The following ITPK1 variants were observed in gnomAD, a reference collection of about 807,000 sequenced individuals.
ITPK1 encodes inositol-tetrakisphosphate 1-kinase, also known as inositol 1,3,4-trisphosphate 5/6-kinase.
A neutral mutation model predicts 45.3 loss-of-function variants in ITPK1; 21 were observed. The ratio of observed to expected loss-of-function variants is 0.46; its 90% confidence interval spans 0.33 to 0.67. The LOEUF is 0.67. Among genes scored for constraint, ITPK1 ranks in the 30% least tolerant of loss-of-function variants. The pLI, the probability that ITPK1 is intolerant of heterozygous loss-of-function variation, is 0.02. For missense variants in ITPK1, 474 were observed against 573.5 expected (o/e 0.83, Z 1.77); for synonymous variants, 258 against 253.6 (o/e 1.02, Z -0.16).
chr14:92,949,421 T>A (rs1355260933), intron 9 of ITPK1, among the ~76,000 whole-genome samples: 1 of 152,236 alleles, frequency 6.6e-6, no homozygotes. Context: ...CTGAGCCTCC[T>A]GGGTCACTCT....
intron 10 of ITPK1, among the ~76,000 whole-genome samples, chr14:92,944,933 C>T (rs1391671299): frequency 6.6e-6 from 1 of 152,210 alleles, no homozygotes; most frequent in Non-Finnish European, 1.5e-5. Context: ...AGAGCTCCAA[C>T]GTCCTCAGTT....
intron 5 of ITPK1, among the ~76,000 whole-genome samples, chr14:92,976,446 G>A (rs1402566207): frequency 2.0e-5 from 3 of 152,200 alleles, no homozygotes; most frequent in African/African-American, 7.2e-5. Context: ...ATGCTAAACT[G>A]CCATGCAAGA....
intron 5 of ITPK1, among the ~76,000 whole-genome samples, chr14:92,969,523 C>A (rs1019461973): frequency 2.0e-5 from 3 of 152,222 alleles, no homozygotes; most frequent in African/African-American, 7.2e-5. Context: ...GAACCAGGCC[C>A]AGCTGTCTTC....
chr14:93,031,150 G>C (rs1889031396), intron 3 of ITPK1, among the ~76,000 whole-genome samples: 1 of 152,110 alleles, frequency 6.6e-6, no homozygotes, highest in Non-Finnish European at 1.5e-5. Context: ...TGAATCCAAG[G>C]CCTCTCTAAG....
intron 5 of ITPK1, among the ~76,000 whole-genome samples, chr14:92,979,319 T>C (rs1297677970): frequency 6.6e-6 from 1 of 152,228 alleles, no homozygotes; most frequent in Non-Finnish European, 1.5e-5. Context: ...AGAAGGGACT[T>C]GCCTTGTCTC....
At chr14:93,098,752 G>C (rs1170603176) in intron 2 of ITPK1, among the ~76,000 whole-genome samples, 1 of 152,198 alleles carries the variant, frequency 6.6e-6, no homozygotes, top group African/African-American at 2.4e-5. Flanking sequence ...AGCTACTTCA[G>C]GGCTGTCCAC....
chr14:92,976,997 G>A (rs922466123), intron 5 of ITPK1, among the ~76,000 whole-genome samples: 2 of 152,250 alleles, frequency 1.3e-5, no homozygotes, highest in Non-Finnish European at 1.5e-5. Context: ...CCCAGAAGCT[G>A]CCTGGCTGAA....
chr14:92,948,775 A>G (rs1486556419), intron 9 of ITPK1, among the ~76,000 whole-genome samples: 1 of 138,456 alleles, frequency 7.2e-6, no homozygotes, highest in African/African-American at 2.9e-5. Context: ...GGAAGCGCTG[A>G]GCAGGGACCC....
chr14:92,975,282 G>A (rs1356752537), intron 5 of ITPK1, among the ~76,000 whole-genome samples: 1 of 152,202 alleles, frequency 6.6e-6, no homozygotes, highest in African/African-American at 2.4e-5. Flanking sequence ...TCCGCCACAG[G>A]GTGCAGGCTC....
intron 4 of ITPK1, among the ~76,000 whole-genome samples, chr14:93,004,154 C>A (rs529399665): frequency 6.6e-6 from 1 of 152,196 alleles, no homozygotes; most frequent in Non-Finnish European, 1.5e-5. Flanking sequence ...TGCAAGCCAG[C>A]GAGATCCATG....
intron 4 of ITPK1, among the ~76,000 whole-genome samples, chr14:93,007,376 C>T (rs1887673226): frequency 6.7e-6 from 1 of 149,718 alleles, no homozygotes; most frequent in South Asian, 2.1e-4. Context: ...AGTCGCCCGG[C>T]CGAGTCTGAC....
intron 2 of ITPK1, among the ~76,000 whole-genome samples, chr14:93,106,851 G>A (rs113864078): frequency 8.3e-4 from 126 of 152,196 alleles, no homozygotes; most frequent in African/African-American, 2.9e-3. Context: ...CCCACCCCTG[G>A]GGTTTCCTTC....
Position 93,032,415 on chromosome 14 carries a change from T to A in ITPK1, c.121-15614A>T, listed in dbSNP as rs146765222. 0.027 allele frequency among the ~76,000 whole-genome samples: 4,165 copies of A among 152,164 alleles called. 98 individuals carry two copies. The highest frequency in any genetic ancestry group is 0.085 in the Admixed American group (1,300 of 15,278). On this transcript the variant is annotated intron_variant, in intron 3 of 10. Transcript: ENST00000267615. The surrounding 1 kb of genome is among the most constrained non-coding windows in gnomAD (Gnocchi z 4.0). ...TAAACATCACATGAAAAGGGGAAGT[T>A]CAGTACTCAAAATCATTTGCAAAGA...
At chr14:92,984,166 G>T (rs1403032204) in intron 5 of ITPK1, among the ~76,000 whole-genome samples, 4 of 152,234 alleles carry the variant, frequency 2.6e-5, no homozygotes, top group Admixed American at 6.5e-5. Flanking sequence ...GGCTGCCTCA[G>T]GGAAGTGAGG....
chr14:93,051,201 G>T (rs1889991878), intron 3 of ITPK1, among the ~76,000 whole-genome samples: 1 of 152,198 alleles, frequency 6.6e-6, no homozygotes, highest in Non-Finnish European at 1.5e-5. Flanking sequence ...AATTTCCCAG[G>T]CATGGGGGAG....
rs117270417 is a variant in ITPK1, at chr14:93,084,443, T to C, written c.96-7824A>G. 1.6e-3 allele frequency among the ~76,000 whole-genome samples: 244 copies of C among 152,194 alleles called. 3 individuals are homozygous for C. Among genetic ancestry groups the C allele is most frequent in the Admixed American group, 0.013 (193 of 15,292 alleles). On this transcript the variant is annotated intron_variant, in intron 2 of 10. Transcript: ENST00000267615. ...ACAAAGAATTATCCAGCACAAAAGGTCCACAGTGCTGAACTTAAGAAGTGG... is the reference window on the plus strand; with the variant it reads ...ACAAAGAATTATCCAGCACAAAAGGCCCACAGTGCTGAACTTAAGAAGTGG...
Position 92,962,753 on chromosome 14 carries a change from A to C in ITPK1, c.461T>G (p.Phe154Cys). ...GGTGGAGCTGGGATGGTACGCACTGAATGGGAAAGTCAAGCCGTTCTTCTC... is the reference window on the plus strand; with the variant it reads ...GGTGGAGCTGGGATGGTACGCACTGCATGGGAAAGTCAAGCCGTTCTTCTC... ...LLEKNGLTFPFICKTRVAHGT... is the reference protein window; with the variant it reads ...LLEKNGLTFPCICKTRVAHGT... The change falls in exon 6 of 11, where the codon TTC (phenylalanine) becomes TGC (cysteine). Residue 154 changes from phenylalanine to cysteine, a missense_variant and splice_region_variant. Physicochemically the swap from Phe to Cys is radical, Grantham distance 205. This residue lies in a region of ITPK1 where 367 missense variants were observed against 480.6 expected (regional missense o/e 0.76). Transcript: ENST00000267615. 1 of 1,611,690 alleles carries C rather than the reference A, an allele frequency of 6.2e-7. No homozygotes were observed. The highest frequency in any genetic ancestry group is 8.5e-7 in the Non-Finnish European group (1 of 1,177,856).
chr14:92,951,963 A>G lies in ITPK1; in HGVS notation c.721T>C (p.Ser241Pro). Reference protein sequence around the residue: ...NSHNVSKPESSSVLTELDKIE... With the variant: ...NSHNVSKPESPSVLTELDKIE... ...GGACCCACCTCCGTCAGGACCGATGACGACTCCGGCTTTGACACGTTGTGG... is the reference window on the plus strand; with the variant it reads ...GGACCCACCTCCGTCAGGACCGATGGCGACTCCGGCTTTGACACGTTGTGG... The change falls in exon 9 of 11, where the codon TCA becomes CCA. Residue 241 changes from serine to proline, a missense_variant. Ser to Pro is a moderately conservative substitution (Grantham distance 74, BLOSUM62 -1). Around this residue, in one of 2 missense-constraint regions of ITPK1, gnomAD observed 367 missense variants for 480.6 expected, o/e 0.76. Transcript: ENST00000267615. 6.3e-7 allele frequency: 1 copy of G among 1,579,994 alleles called. No homozygotes were observed. The highest frequency in any genetic ancestry group is 8.6e-7 in the Non-Finnish European group (1 of 1,162,476).
chr14:92,941,754 C>T lies in ITPK1; in HGVS notation c.1052G>A (p.Gly351Asp), dbSNP rs1461095085. 9 of 1,602,520 alleles carry T rather than the reference C, an allele frequency of 5.6e-6. No homozygotes were observed. The highest frequency in any genetic ancestry group is 6.8e-6 in the Non-Finnish European group (8 of 1,176,206). Residue 351 changes from glycine (G) to aspartate (D), a missense_variant, in exon 11 of 11, where the codon GGC (glycine) becomes GAC (aspartate). By Grantham distance (94) the Gly-to-Asp change is moderately conservative. Coordinates refer to ENST00000267615, the MANE Select transcript of ITPK1 (RefSeq NM_014216.6). ...LLAEPAGGLV[G>D]ERTCSASPGC... Reference sequence around the variant, plus strand: ...GGGGCTGGCGCTGCATGTCCGCTCGCCCACCAGGCCGCCCGCCGGCTCGGC... The same window carrying T: ...GGGGCTGGCGCTGCATGTCCGCTCGTCCACCAGGCCGCCCGCCGGCTCGGC...
Sources: allele counts gnomAD v4.1 joint callset (sites outside exome capture counted in the v4.1 genomes callset), GRCh38; gene constraint gnomAD v4.1.1; regional missense constraint gnomAD v4.1.1; non-coding constraint Gnocchi (gnomAD v3.1); transcripts MANE v1.5; gene names NCBI Gene and HGNC (gene_info 2026-07-23, HGNC 2026-07-21).